DGKH: variants seen among roughly 807,000 people sequenced by gnomAD.
DGKH encodes the protein diacylglycerol kinase eta.
A neutral mutation model predicts 159.3 loss-of-function variants in DGKH; 90 were observed. The ratio of observed to expected loss-of-function variants is 0.57; its 90% confidence interval spans 0.48 to 0.67. The LOEUF is 0.67. Among genes scored for constraint, DGKH ranks in the 30% least tolerant of loss-of-function variants. The probability of loss-of-function intolerance (pLI) is 0.00; values close to 1 mark genes in which losing one functional copy is unlikely to be tolerated. For missense variants in DGKH, 1,181 were observed against 1,506.1 expected (o/e 0.78, Z 3.57); for synonymous variants, 536 against 553.8 (o/e 0.97, Z 0.45).
At chr13:42,215,817 T>G (rs746679812) in intron 26 of DGKH, 150 bp downstream of exon 26, 4 of 638,136 alleles carry the variant, frequency 6.3e-6, no homozygotes, top group Non-Finnish European at 1.1e-5. Context: ...GGTTTTTGTC[T>G]TCAAGAAAAT....
At chr13:42,047,671 C>A (rs955030601), upstream of DGKH, among the ~76,000 whole-genome samples, 1 of 152,196 alleles carries the variant, frequency 6.6e-6, no homozygotes, top group East Asian at 1.9e-4. Flanking sequence ...AGCCAGCTTG[C>A]AGGGGAGTTG....
intron 20 of DGKH, among the ~76,000 whole-genome samples, chr13:42,205,386 G>T (rs1435277963): frequency 6.6e-6 from 1 of 152,168 alleles, no homozygotes; most frequent in Non-Finnish European, 1.5e-5. Flanking sequence ...ATTTATGAGA[G>T]AAGGTAACAG....
intron 3 of DGKH, among the ~76,000 whole-genome samples, chr13:42,137,436 A>T (rs1566121080): frequency 6.6e-6 from 1 of 152,206 alleles, no homozygotes; most frequent in Non-Finnish European, 1.5e-5. Flanking sequence ...CATTTGATAG[A>T]TGAAGAATCT....
At chr13:42,104,691 A>T (rs551300873) in intron 1 of DGKH, among the ~76,000 whole-genome samples, 1 of 152,188 alleles carries the variant, frequency 6.6e-6, no homozygotes, top group Non-Finnish European at 1.5e-5. Context: ...GGGAGAAAGA[A>T]TGGATTATGG....
At chr13:42,153,200 C>G (rs572299664) in intron 3 of DGKH, among the ~76,000 whole-genome samples, 1 of 152,248 alleles carries the variant, frequency 6.6e-6, no homozygotes, top group East Asian at 1.9e-4. Flanking sequence ...GTTTATTTTG[C>G]TGAAATCATT....
chr13:42,090,043 T>C (rs941376121), intron 1 of DGKH, among the ~76,000 whole-genome samples: 4 of 152,128 alleles, frequency 2.6e-5, no homozygotes, highest in African/African-American at 9.7e-5. Context: ...ACAACCCTAA[T>C]TATAATATAT....
At chr13:42,109,635 C>T (rs1319028289) in intron 1 of DGKH, among the ~76,000 whole-genome samples, 1 of 150,514 alleles carries the variant, frequency 6.6e-6, no homozygotes, top group African/African-American at 2.5e-5. Flanking sequence ...AACCCATGTG[C>T]AGCTGTGCGT....
chr13:42,210,015 T>C (rs780118899), intron 23 of DGKH, among the ~76,000 whole-genome samples: 23 of 149,604 alleles, frequency 1.5e-4, no homozygotes, highest in Non-Finnish European at 3.3e-4. Flanking sequence ...TTTTTTTTAC[T>C]GTCTCTATTA....
intron 1 of DGKH, among the ~76,000 whole-genome samples, chr13:42,080,833 A>AT (rs1954186028): frequency 6.6e-6 from 1 of 151,924 alleles, no homozygotes; most frequent in African/African-American, 2.4e-5. Flanking sequence ...TCCGAGTTTT[A>AT]TATATTACAG....
At chr13:42,205,351 G>A (rs546287280) in intron 20 of DGKH, among the ~76,000 whole-genome samples, 67 of 152,204 alleles carry the variant, frequency 4.4e-4, no homozygotes, top group Middle Eastern at 3.4e-3. Flanking sequence ...AGAATAAACA[G>A]CATTAATTGA....
intron 24 of DGKH, 42 bp from the exon 25 acceptor site, chr13:42,214,465 T>C (rs748748850): frequency 1.3e-6 from 2 of 1,585,644 alleles, no homozygotes; most frequent in Non-Finnish European, 1.7e-6. Context: ...TGAGCAATAC[T>C]CAAAAAAGTT....
chr13:42,254,853 T>A (rs17521181), intron 30 of DGKH, among the ~76,000 whole-genome samples: 10,035 of 152,232 alleles, frequency 0.066, 422 homozygotes, highest in Non-Finnish European at 0.098. Context: ...GAATTAGAGA[T>A]CATTTTCAAA....
At chr13:42,165,608 T>A (rs1209209038) in intron 8 of DGKH, among the ~76,000 whole-genome samples, 175 bp downstream of exon 8, 2 of 152,166 alleles carry the variant, frequency 1.3e-5, no homozygotes, top group African/African-American at 4.8e-5. Flanking sequence ...TATATTTAAG[T>A]GAAAGTTGTA....
At chr13:42,071,302 A>G (rs1283234748) in intron 1 of DGKH, among the ~76,000 whole-genome samples, 1 of 152,236 alleles carries the variant, frequency 6.6e-6, no homozygotes, top group Non-Finnish European at 1.5e-5. Context: ...AGCTCTACTC[A>G]TGTTGAGAAT....
intron 29 of DGKH, among the ~76,000 whole-genome samples, chr13:42,224,635 C>G (rs1958072080): frequency 6.7e-6 from 1 of 148,986 alleles, no homozygotes; most frequent in Admixed American, 6.8e-5. Flanking sequence ...TTATGCAGGC[C>G]TACAAGGTTC....
Position 42,230,753 on chromosome 13 carries a change from T to G in DGKH, c.*1565T>G, listed in dbSNP as rs369321332. ...ATATACCTACATACATATAACCTTGTGATATGGCATCATTGATATTTTCTA... is the reference window on the plus strand; with the variant it reads ...ATATACCTACATACATATAACCTTGGGATATGGCATCATTGATATTTTCTA... On this transcript the variant is annotated 3_prime_UTR_variant, in exon 30 of 30. Coordinates refer to ENST00000337343, the MANE Select transcript of DGKH (RefSeq NM_178009.5). 5.3e-5 allele frequency: 8 copies of G among 152,122 alleles called. No individual in the cohort carries two copies. The East Asian group carries it at 1.4e-3, about 26-fold the overall frequency. 9.4% of individuals were successfully genotyped at this position (152,122 alleles called of 1,614,324 possible).
intron 12 of DGKH, 103 bp downstream of exon 12, chr13:42,174,247 T>C: frequency 5.1e-6 from 5 of 977,494 alleles, no homozygotes; most frequent in Non-Finnish European, 7.7e-6. Flanking sequence ...TGTGGTAGCA[T>C]GTTAACTTAA....
chr13:42,051,316 T>G (rs1298533374), intron 1 of DGKH, among the ~76,000 whole-genome samples: 1 of 152,222 alleles, frequency 6.6e-6, no homozygotes, highest in Admixed American at 6.5e-5. Context: ...TATGAACACT[T>G]GAGATCAGGG....
At chr13:42,172,357 A>T (rs139002919) in intron 11 of DGKH, among the ~76,000 whole-genome samples, 120 of 152,228 alleles carry the variant, frequency 7.9e-4, no homozygotes, top group Middle Eastern at 3.4e-3. Context: ...TGACCTCGTG[A>T]TCTGCCCGCC....
Sources: gnomAD v4.1 joint callset for allele counts (sites outside exome capture counted in the v4.1 genomes callset) on GRCh38, gnomAD v4.1.1 for gene constraint, MANE v1.5 for transcripts, NCBI Gene and HGNC (gene_info 2026-07-23, HGNC 2026-07-21) for gene names.